RIC1: variants seen among roughly 807,000 people sequenced by gnomAD.
RIC1 encodes the protein RIC1 partner of RAB6A GEF complex.
A neutral mutation model predicts 169.0 loss-of-function variants in RIC1; 88 were observed. The observed-to-expected ratio is 0.52, with a 90% CI of 0.44 to 0.62. The LOEUF (loss-of-function observed/expected upper bound fraction) is 0.62, where lower values mean the gene tolerates loss of function less well. RIC1 is among the 20% of genes least tolerant of loss of function. The probability of loss-of-function intolerance (pLI) is 0.00; values close to 1 mark genes in which losing one functional copy is unlikely to be tolerated. For synonymous variants in RIC1, 790 were observed against 601.5 expected, an observed-to-expected ratio of 1.31 and a Z score of -4.59; for missense variants, 1,877 against 1,725.5, an observed-to-expected ratio of 1.09 and a Z score of -1.56.
chr9:5,685,040 A>T (rs1821128715), intron 2 of RIC1, among the ~76,000 whole-genome samples: 1 of 151,986 alleles, frequency 6.6e-6, no homozygotes, highest in Non-Finnish European at 1.5e-5. Flanking sequence ...TTTTTTTATA[A>T]GGTTGAATTT....
intron 4 of RIC1, among the ~76,000 whole-genome samples, chr9:5,716,131 C>G (rs531680263): frequency 1.3e-5 from 2 of 152,140 alleles, no homozygotes; most frequent in African/African-American, 4.8e-5. Flanking sequence ...GGTGTTGAGC[C>G]ACCACACCCA....
At chr9:5,686,157 G>C (rs950465902) in intron 2 of RIC1, among the ~76,000 whole-genome samples, 5 of 151,128 alleles carry the variant, frequency 3.3e-5, no homozygotes, top group Non-Finnish European at 7.4e-5. Flanking sequence ...GGAGAAATAG[G>C]AACAGTTTTA....
At chr9:5,681,968 G>C (rs569683743) in intron 2 of RIC1, among the ~76,000 whole-genome samples, 7 of 152,080 alleles carry the variant, frequency 4.6e-5, no homozygotes, top group South Asian at 4.2e-4. Flanking sequence ...TTATCCGAGA[G>C]TAGGATTGCA....
At chr9:5,715,128 T>G (rs1396617653) in intron 4 of RIC1, among the ~76,000 whole-genome samples, 1 of 152,196 alleles carries the variant, frequency 6.6e-6, no homozygotes, top group Non-Finnish European at 1.5e-5. Flanking sequence ...GAAGATTGAG[T>G]TCAAAGTTAC....
chr9:5,774,223 A>T lies in RIC1; in HGVS notation c.4249A>T (p.Thr1417Ser). ...GGAGGAAGAACCTTTTCAGGATGGG[A>T]CTTACGACTGTTCTGTGTCCTAACA... is the stretch of plus-strand genomic sequence containing the variant. ...AEEEEPFQDG[T>S]YDCSVS Residue 1417 changes from threonine to serine, a missense_variant, in exon 26 of 26, where the codon ACT becomes TCT. Physicochemically the swap from Thr to Ser is moderately conservative, Grantham distance 58 (BLOSUM62 1). Around this residue, in one of 3 missense-constraint regions of RIC1, gnomAD observed 681 missense variants for 582.0 expected, o/e 1.17. Coordinates refer to ENST00000414202, the MANE Select transcript of RIC1 (RefSeq NM_020829.4). 1 of 1,611,712 alleles carries T rather than the reference A, an allele frequency of 6.2e-7. No homozygotes were observed. Among genetic ancestry groups the T allele is most frequent in the Non-Finnish European group, 8.5e-7 (1 of 1,178,778 alleles).
At chr9:5,688,169 T>C (rs1821364355) in intron 2 of RIC1, among the ~76,000 whole-genome samples, 2 of 144,780 alleles carry the variant, frequency 1.4e-5, no homozygotes, top group African/African-American at 4.9e-5. Context: ...AACATCTGAT[T>C]GAGTTATGCA....
In RIC1 at chr9:5,629,150, T is replaced by C. The variant is rs1013831493; in HGVS notation, c.-160T>C. 3.4e-6 allele frequency: 2 copies of C among 594,460 alleles called. No individual in the cohort carries two copies. The highest frequency in any genetic ancestry group is 2.0e-5 in the African/African-American group (1 of 51,000). 36.8% of individuals were successfully genotyped at this position (594,460 alleles called of 1,614,324 possible). On this transcript the variant is annotated 5_prime_UTR_variant, in exon 1 of 26. Transcript: ENST00000414202. ...TTGGGGGTGCCTTCGTCGCGCAGCC[T>C]TGCGTCGGCCCGGCCCGGCCAGGCC...
At chr9:5,649,795 G>T (rs537156389) in intron 1 of RIC1, among the ~76,000 whole-genome samples, 5 of 151,356 alleles carry the variant, frequency 3.3e-5, no homozygotes, top group South Asian at 4.2e-4. Context: ...TACCTCTGGT[G>T]TAACAGTTGC....
At chr9:5,660,350 T>C (rs1819379616) in intron 2 of RIC1, among the ~76,000 whole-genome samples, 1 of 152,198 alleles carries the variant, frequency 6.6e-6, no homozygotes, top group Non-Finnish European at 1.5e-5. Flanking sequence ...GAATGATTTA[T>C]ATTTTGGGGG....
chr9:5,724,256 C>T (rs1489774540), intron 6 of RIC1, among the ~76,000 whole-genome samples: 5 of 152,154 alleles, frequency 3.3e-5, no homozygotes, highest in Non-Finnish European at 7.3e-5. Context: ...TTGTAGTTCT[C>T]CTTGAAGAGG....
At chr9:5,654,544 A>T (rs574565033) in intron 1 of RIC1, among the ~76,000 whole-genome samples, 1 of 151,168 alleles carries the variant, frequency 6.6e-6, no homozygotes, top group Non-Finnish European at 1.5e-5. Flanking sequence ...CACTGTGCCC[A>T]GCTTTGTTTT....
chr9:5,716,112 G>A (rs1050582829), intron 4 of RIC1, among the ~76,000 whole-genome samples: 3 of 151,964 alleles, frequency 2.0e-5, no homozygotes, highest in African/African-American at 7.2e-5. Context: ...TCAAAGTGCT[G>A]GGATTGCAGG....
chr9:5,678,918 C>T (rs981798021), intron 2 of RIC1, among the ~76,000 whole-genome samples: 26 of 151,826 alleles, frequency 1.7e-4, no homozygotes, highest in Non-Finnish European at 3.5e-4. Context: ...AAGTCCTTGC[C>T]CATGCCTATG....
intron 21 of RIC1, among the ~76,000 whole-genome samples, chr9:5,767,341 C>G (rs1476405509): frequency 6.6e-6 from 1 of 152,192 alleles, no homozygotes; most frequent in Non-Finnish European, 1.5e-5. Context: ...TGAGAGATGA[C>G]TATGAATTCA....
At chr9:5,705,544 G>T (rs1227637884) in intron 3 of RIC1, among the ~76,000 whole-genome samples, 2 of 152,010 alleles carry the variant, frequency 1.3e-5, no homozygotes, top group African/African-American at 4.8e-5. Flanking sequence ...GGATTCTTTA[G>T]AATTTTCTAT....
At chr9:5,699,592 C>A (rs1249210997) in intron 3 of RIC1, among the ~76,000 whole-genome samples, 1 of 151,008 alleles carries the variant, frequency 6.6e-6, no homozygotes, top group African/African-American at 2.4e-5. Flanking sequence ...AAATTCCACA[C>A]AAGTGGTAAG....
At chr9:5,647,712 A>G (rs1818586765) in intron 1 of RIC1, among the ~76,000 whole-genome samples, 1 of 152,076 alleles carries the variant, frequency 6.6e-6, no homozygotes, top group African/African-American at 2.4e-5. Context: ...TTACTTATTC[A>G]TTTCCAAGTT....
chr9:5,703,986 C>T (rs967933052), intron 3 of RIC1, among the ~76,000 whole-genome samples: 1 of 151,728 alleles, frequency 6.6e-6, no homozygotes, highest in Non-Finnish European at 1.5e-5. Flanking sequence ...TTCCCACAAG[C>T]CATATGTGAA....
At position 5,774,325 on chromosome 9, in the gene RIC1, T is replaced by C. The variant is rs2131164408; in HGVS notation, c.*79T>C. On this transcript the variant is annotated 3_prime_UTR_variant, in exon 26 of 26. Transcript: ENST00000414202. ...AGTACGTTGTAACATAGTTGGATGA[T>C]TTAACAGGAGAACTCAGTTCAGAGA... is the stretch of plus-strand genomic sequence containing the variant. The C allele has an allele frequency of 7.9e-7, 1 of 1,260,926 alleles. No individual in the cohort carries two copies. The highest frequency in any genetic ancestry group is 1.1e-6 in the Non-Finnish European group (1 of 917,736). 78.1% of individuals were successfully genotyped at this position (1,260,926 alleles called of 1,614,324 possible).
Sources: allele counts gnomAD v4.1 joint callset (sites outside exome capture counted in the v4.1 genomes callset), GRCh38; gene constraint gnomAD v4.1.1; regional missense constraint gnomAD v4.1.1; transcripts MANE v1.5; gene names NCBI Gene and HGNC (gene_info 2026-07-23, HGNC 2026-07-21).